The following FGGY variants were observed in gnomAD, a reference collection of about 807,000 sequenced individuals.
FGGY encodes FGGY carbohydrate kinase domain containing, also known as FGGY carbohydrate kinase domain-containing protein.
FGGY carries 72 observed loss-of-function variants against 71.3 expected under a neutral mutation model. The observed-to-expected ratio is 1.01, with a 90% CI of 0.84 to 1.23. The LOEUF (loss-of-function observed/expected upper bound fraction) is 1.23, where lower values mean the gene tolerates loss of function less well. Ranked by LOEUF, FGGY falls within the 50% of genes most tolerant of loss-of-function variation. The pLI, the probability that FGGY is intolerant of heterozygous loss-of-function variation, is 0.00. For missense variants in FGGY, 668 were observed against 682.3 expected (o/e 0.98, Z 0.23); for synonymous variants, 251 against 250.3 (o/e 1.00, Z -0.02).
At chr1:59,544,318 A>G (rs2095489351) in intron 7 of FGGY, among the ~76,000 whole-genome samples, 1 of 152,234 alleles carries the variant, frequency 6.6e-6, no homozygotes, top group Admixed American at 6.5e-5. Context: ...CAAGAAGGGC[A>G]TGATTTAATG....
chr1:59,735,389 A>G (rs907134126), intron 14 of FGGY, among the ~76,000 whole-genome samples: 2 of 152,222 alleles, frequency 1.3e-5, no homozygotes, highest in East Asian at 1.9e-4. Context: ...CCTGGGAGTC[A>G]GGAGGCCCAA....
intron 9 of FGGY, among the ~76,000 whole-genome samples, chr1:59,608,524 C>A (rs749643742): frequency 1.3e-5 from 2 of 152,160 alleles, no homozygotes; most frequent in East Asian, 3.8e-4. Context: ...TTCTAGAACA[C>A]TCTGAGTTCC....
intron 8 of FGGY, among the ~76,000 whole-genome samples, chr1:59,598,279 A>C (rs2096543088): frequency 6.6e-6 from 1 of 152,252 alleles, no homozygotes. Context: ...AGGAGAGAGA[A>C]AATGTGGAGG....
chr1:59,374,032 C>T lies in FGGY; in HGVS notation c.466-4717C>T, dbSNP rs867681714. ...TCTAAAACACCAAAAGCAATGGCAA[C>T]AAAAGCCAGAATTGACAAATGGGAT... On this transcript the variant is annotated intron_variant, in intron 4 of 15. Transcript: ENST00000303721. Among the ~76,000 whole-genome samples, 3 of 152,304 alleles carry T rather than the reference C, an allele frequency of 2.0e-5. No individual in the cohort carries two copies. The South Asian group carries it at 6.2e-4, about 32-fold the overall frequency.
At chr1:59,341,286 A>G (rs746315284) in intron 3 of FGGY, among the ~76,000 whole-genome samples, 11 of 152,216 alleles carry the variant, frequency 7.2e-5, no homozygotes, top group Non-Finnish European at 7.3e-5. Flanking sequence ...TTCTTCCATC[A>G]GATGATGAAT....
At chr1:59,500,377 G>C (rs1425553314) in intron 6 of FGGY, among the ~76,000 whole-genome samples, 1 of 152,054 alleles carries the variant, frequency 6.6e-6, no homozygotes. Flanking sequence ...GTTACTGACA[G>C]AGCCCCTGGA....
rs532313432 is a variant in FGGY, at chr1:59,326,797, C to G, written c.201+5047C>G. On this transcript the variant is annotated intron_variant, in intron 2 of 15. Coordinates refer to ENST00000303721, the MANE Select transcript of FGGY (RefSeq NM_018291.5). ...CCCTTCAACATCTATCACTCTACTA[C>G]AGGCATAATGATAAATTCAGTTCCA... 2.0e-5 allele frequency among the ~76,000 whole-genome samples: 3 copies of G among 152,140 alleles called. No individual in the cohort carries two copies. The East Asian group carries it at 5.8e-4, about 29-fold the overall frequency.
intron 6 of FGGY, among the ~76,000 whole-genome samples, chr1:59,469,774 AGTGT>A (rs2092843783): frequency 6.6e-6 from 1 of 151,976 alleles, no homozygotes; most frequent in Non-Finnish European, 1.5e-5. Flanking sequence ...CAAAGGACCC[AGTGT>A]GTGTTATCCC....
Position 59,472,651 on chromosome 1 carries a change from G to A in FGGY, c.670+15575G>A, listed in dbSNP as rs528069744. Reference sequence around the variant, plus strand: ...GTCAAGGTTTGTAAACACACCAATCGGCACCCTGTGTCTAGCTCAGGGTTT... The same window carrying A: ...GTCAAGGTTTGTAAACACACCAATCAGCACCCTGTGTCTAGCTCAGGGTTT... On this transcript the variant is annotated intron_variant, in intron 6 of 15. Coordinates refer to ENST00000303721, the MANE Select transcript of FGGY (RefSeq NM_018291.5). Among the ~76,000 whole-genome samples the A allele has an allele frequency of 1.2e-4, 18 of 151,940 alleles. No individual in the cohort carries two copies. The South Asian group carries it at 1.7e-3, about 14-fold the overall frequency.
At chr1:59,457,117 G>C (rs754886862) in intron 6 of FGGY, 41 bp downstream of exon 6, 31 of 1,392,024 alleles carry the variant, frequency 2.2e-5, no homozygotes, top group Non-Finnish European at 3.1e-5. Flanking sequence ...ATGTGCATTG[G>C]AGGATCTTGA....
intron 14 of FGGY, chr1:59,699,426 T>G (rs2097691787): frequency 1.0e-6 from 1 of 984,256 alleles, no homozygotes; most frequent in African/African-American, 1.7e-5. Context: ...TTTGCAATAG[T>G]GACACCTAGG....
chr1:59,360,160 C>T (rs2153230500), intron 4 of FGGY, among the ~76,000 whole-genome samples: 1 of 105,420 alleles, frequency 9.5e-6, no homozygotes. Context: ...TATTATTTCA[C>T]CACTGATTAG....
At chr1:59,716,562 A>G (rs1445654219) in intron 14 of FGGY, among the ~76,000 whole-genome samples, 1 of 152,240 alleles carries the variant, frequency 6.6e-6, no homozygotes, top group Non-Finnish European at 1.5e-5. Context: ...GCAAACTAGC[A>G]TCAAAGAAAA....
chr1:59,480,043 G>C (rs1440261094), intron 6 of FGGY, among the ~76,000 whole-genome samples: 1 of 152,052 alleles, frequency 6.6e-6, no homozygotes, highest in Non-Finnish European at 1.5e-5. Flanking sequence ...ATGCTACCTA[G>C]CCTGTGTTCC....
intron 14 of FGGY, among the ~76,000 whole-genome samples, chr1:59,717,784 T>C (rs904861675): frequency 2.6e-5 from 4 of 152,310 alleles, no homozygotes; most frequent in African/African-American, 9.6e-5. Context: ...TATATGCTGA[T>C]TGAGTTATGC....
chr1:59,736,740 A>G (rs1226942160), intron 14 of FGGY, among the ~76,000 whole-genome samples: 1 of 152,240 alleles, frequency 6.6e-6, no homozygotes, highest in Non-Finnish European at 1.5e-5. Flanking sequence ...AAAGTTTGCA[A>G]AATTTGCAGC....
intron 14 of FGGY, among the ~76,000 whole-genome samples, chr1:59,744,967 A>T (rs2098183168): frequency 1.3e-5 from 2 of 152,216 alleles, no homozygotes; most frequent in Admixed American, 1.3e-4. Flanking sequence ...AAGAGAGTTT[A>T]AAAGGGCACT....
chr1:59,456,114 A>G (rs1346792637), intron 5 of FGGY, among the ~76,000 whole-genome samples: 1 of 152,116 alleles, frequency 6.6e-6, no homozygotes, highest in East Asian at 1.9e-4. Context: ...TATAATTAAC[A>G]CCCATGAACC....
At chr1:59,408,524 T>C (rs1000094152) in intron 5 of FGGY, among the ~76,000 whole-genome samples, 41 of 152,172 alleles carry the variant, frequency 2.7e-4, no homozygotes, top group Non-Finnish European at 1.0e-4. Flanking sequence ...CCTACAGAGT[T>C]TGGATAATTT....
Sources: gnomAD v4.1 joint callset for allele counts (sites outside exome capture counted in the v4.1 genomes callset) on GRCh38, gnomAD v4.1.1 for gene constraint, MANE v1.5 for transcripts, NCBI Gene and HGNC (gene_info 2026-07-23, HGNC 2026-07-21) for gene names.